Variants in ATXN1 observed in about 807,000 individuals in gnomAD.
The protein encoded by ATXN1 is ataxin-1.
In ATXN1, 8 loss-of-function variants were observed where a neutral mutation model predicts 56.4. The observed-to-expected ratio is 0.14, with a 90% CI of 0.08 to 0.26. ATXN1 has a LOEUF of 0.26. ATXN1 is among the 10% of genes least tolerant of loss of function. The pLI is 1.00. For synonymous variants in ATXN1, 514 were observed against 494.6 expected, an observed-to-expected ratio of 1.04 and a Z score of -0.52; for missense variants, 987 against 1,106.5, an observed-to-expected ratio of 0.89 and a Z score of 1.53.
chr6:16,354,930 G>A (rs1190423335), intron 6 of ATXN1, among the ~76,000 whole-genome samples: 2 of 152,216 alleles, frequency 1.3e-5, no homozygotes, highest in Admixed American at 1.3e-4. Flanking sequence ...AGCATAGCTG[G>A]AGACTGGCCA....
At chr6:16,476,268 A>G (rs1760325008) in intron 6 of ATXN1, among the ~76,000 whole-genome samples, 1 of 152,204 alleles carries the variant, frequency 6.6e-6, no homozygotes, top group South Asian at 2.1e-4. Context: ...CTGTGTATCT[A>G]GCTAGGTTGT....
chr6:16,473,837 C>G (rs887678240), intron 6 of ATXN1, among the ~76,000 whole-genome samples: 2 of 152,196 alleles, frequency 1.3e-5, no homozygotes, highest in African/African-American at 4.8e-5. Flanking sequence ...TTTGAGCCAC[C>G]TCTCAGTCAA....
At chr6:16,511,800 G>C (rs961820923) in intron 5 of ATXN1, among the ~76,000 whole-genome samples, 6 of 152,202 alleles carry the variant, frequency 3.9e-5, no homozygotes, top group African/African-American at 1.4e-4. Flanking sequence ...AGGAAGATAA[G>C]CGAGGCTGGG....
chr6:16,299,957 C>T lies in ATXN1; in HGVS notation c.*6372G>A, dbSNP rs766958927. ...AAGAGTAGGTGGTTCCTGTAAGAAC[C>T]AGAGAAAACCTGTGCACCGAGCTTC... is the stretch of plus-strand genomic sequence containing the variant. On this transcript the variant is annotated 3_prime_UTR_variant, in exon 8 of 8. Transcript: ENST00000436367. 6.6e-6 allele frequency: 1 copy of T among 152,664 alleles called. No homozygotes were observed. The highest frequency in any genetic ancestry group is 2.4e-5 in the African/African-American group (1 of 41,444). 9.5% of individuals were successfully genotyped at this position (152,664 alleles called of 1,614,324 possible).
intron 2 of ATXN1, among the ~76,000 whole-genome samples, chr6:16,719,299 GGAA>G (rs1343617121): frequency 6.6e-6 from 1 of 152,158 alleles, no homozygotes; most frequent in Admixed American, 6.5e-5. Flanking sequence ...CCAAAGCACA[GGAA>G]GAAAGAGCAA....
At chr6:16,651,721 A>C (rs998866056) in intron 3 of ATXN1, among the ~76,000 whole-genome samples, 5 of 152,228 alleles carry the variant, frequency 3.3e-5, no homozygotes, top group Admixed American at 6.5e-5. Flanking sequence ...AGCTGGAGTC[A>C]TGTGGGAGGA....
At chr6:16,604,510 A>C (rs2113783662) in intron 3 of ATXN1, among the ~76,000 whole-genome samples, 1 of 152,138 alleles carries the variant, frequency 6.6e-6, no homozygotes, top group South Asian at 2.1e-4. Flanking sequence ...AAAAAAAAGA[A>C]AACAAAATTA....
chr6:16,547,689 T>G (rs1279964760), intron 4 of ATXN1, among the ~76,000 whole-genome samples: 1 of 152,142 alleles, frequency 6.6e-6, no homozygotes, highest in Non-Finnish European at 1.5e-5. Context: ...TTTCCGGATA[T>G]CTTTGGTGTT....
At chr6:16,318,650 G>T (rs953114721) in intron 7 of ATXN1, among the ~76,000 whole-genome samples, 17 of 152,364 alleles carry the variant, frequency 1.1e-4, no homozygotes, top group African/African-American at 4.1e-4. Context: ...CGCAAAGCCT[G>T]ACTCAGTCCT....
intron 2 of ATXN1, among the ~76,000 whole-genome samples, chr6:16,696,663 G>A (rs1436208541): frequency 6.6e-6 from 1 of 152,134 alleles, no homozygotes; most frequent in East Asian, 1.9e-4. Flanking sequence ...AATAATCATT[G>A]AGGAACTCTT....
chr6:16,467,402 G>A (rs1362967298), intron 6 of ATXN1, among the ~76,000 whole-genome samples: 1 of 152,192 alleles, frequency 6.6e-6, no homozygotes. Flanking sequence ...CCAGAGGGAC[G>A]CACGGTCCAA....
intron 4 of ATXN1, among the ~76,000 whole-genome samples, chr6:16,570,854 T>C (rs750174159): frequency 6.6e-6 from 1 of 152,226 alleles, no homozygotes; most frequent in Non-Finnish European, 1.5e-5. Context: ...CCCTTGCTCC[T>C]TGCACAGCGA....
chr6:16,393,492 T>G (rs1263166612), intron 6 of ATXN1, among the ~76,000 whole-genome samples: 2 of 152,198 alleles, frequency 1.3e-5, no homozygotes, highest in Non-Finnish European at 2.9e-5. Context: ...ACCTTGGCCT[T>G]CCAAAGTGTT....
At chr6:16,551,216 G>T (rs1761914908) in intron 4 of ATXN1, among the ~76,000 whole-genome samples, 1 of 152,220 alleles carries the variant, frequency 6.6e-6, no homozygotes, top group Admixed American at 6.5e-5. Context: ...CGCTGTGAAG[G>T]AGGCCAGTCT....
At chr6:16,540,052 C>T (rs566636108) in intron 4 of ATXN1, among the ~76,000 whole-genome samples, 83 of 152,228 alleles carry the variant, frequency 5.5e-4, no homozygotes, top group African/African-American at 1.5e-3. Context: ...CTTGCCTTTC[C>T]GCTCGAACAC....
chr6:16,587,012 G>A (rs1308638579), intron 3 of ATXN1, among the ~76,000 whole-genome samples: 1 of 148,128 alleles, frequency 6.8e-6, no homozygotes, highest in Admixed American at 6.6e-5. Flanking sequence ...GCAAGACTCT[G>A]TCTCAAAAAA....
chr6:16,467,570 C>A (rs1429465316), intron 6 of ATXN1, among the ~76,000 whole-genome samples: 1 of 152,164 alleles, frequency 6.6e-6, no homozygotes, highest in East Asian at 1.9e-4. Flanking sequence ...CTCTATCTAC[C>A]ATCTTTTCTG....
chr6:16,307,519 A>T (rs1376109059), intron 7 of ATXN1, among the ~76,000 whole-genome samples: 1 of 151,788 alleles, frequency 6.6e-6, no homozygotes, highest in African/African-American at 2.4e-5. Context: ...AAATAAAAAA[A>T]AAAAATTAGC....
chr6:16,429,425 GTTTTTTTT>G (rs3072201), intron 6 of ATXN1, among the ~76,000 whole-genome samples: 3 of 105,968 alleles, frequency 2.8e-5, no homozygotes, highest in African/African-American at 7.3e-5. Flanking sequence ...TTTTTTGTTC[GTTTTTTTT>G]TTTTTTTTTT....
Sources: gnomAD v4.1 joint callset for allele counts (sites outside exome capture counted in the v4.1 genomes callset) on GRCh38, gnomAD v4.1.1 for gene constraint, MANE v1.5 for transcripts, NCBI Gene and HGNC (gene_info 2026-07-23, HGNC 2026-07-21) for gene names.